GTF3C3: variants seen among roughly 807,000 people sequenced by gnomAD.
GTF3C3 encodes general transcription factor 3C polypeptide 3.
Under a neutral mutation model 105.2 loss-of-function variants are expected in GTF3C3, and 75 were observed. The ratio of observed to expected loss-of-function variants is 0.71; its 90% CI spans 0.59 to 0.86. The LOEUF (loss-of-function observed/expected upper bound fraction) is 0.86, where lower values mean the gene tolerates loss of function less well. Among genes scored for constraint, GTF3C3 ranks in the 40% least tolerant of loss-of-function variants. The probability of loss-of-function intolerance (pLI) is 0.00; values close to 1 mark genes in which losing one functional copy is unlikely to be tolerated. For missense variants in GTF3C3, 856 were observed against 1,076.5 expected, an observed-to-expected ratio of 0.80 and a Z score of 2.87; for synonymous variants, 335 against 370.4, an observed-to-expected ratio of 0.90 and a Z score of 1.10.
intron 16 of GTF3C3, among the ~76,000 whole-genome samples, chr2:196,768,870 C>T (rs748908645): frequency 1.3e-5 from 2 of 152,022 alleles, no homozygotes; most frequent in Non-Finnish European, 2.9e-5. Context: ...TAAAATTTTC[C>T]TATCAATTTT....
intron 8 of GTF3C3, 165 bp from the exon 9 acceptor site, chr2:196,780,827 G>T: frequency 1.3e-6 from 1 of 752,768 alleles, no homozygotes; most frequent in Non-Finnish European, 2.0e-6. Context: ...TCTGTCCTTT[G>T]GTAGCAAGTA....
intron 7 of GTF3C3, 49 bp downstream of exon 7, chr2:196,785,392 C>CACAGAAACACATGCAAAACTTA (rs1264613089): frequency 7.0e-7 from 1 of 1,437,576 alleles, no homozygotes; most frequent in Admixed American, 2.2e-5. Context: ...ATTTCCAGAA[C>CACAGAAACACATGCAAAACTTA]ACAGAAACAC....
rs573680597 is a variant in GTF3C3 at position 196,776,822 on chromosome 2, GTAA to G, written c.1391-196_1391-194del. Among the ~76,000 whole-genome samples the G allele has an allele frequency of 5.2e-4, 79 of 152,282 alleles. 2 individuals carry two copies. In the East Asian group the frequency reaches 0.013, roughly 25 times the overall value. ...TCTAATAAATTTAAATTGCTAAGGA[GTAA>G]TCAGTGTATACATATAATTTAGGGT... On this transcript the variant is annotated intron_variant, in intron 10 of 17. Coordinates refer to ENST00000263956, the MANE Select transcript of GTF3C3 (RefSeq NM_012086.5). This position sits in a 1 kb window ranked among gnomAD's most constrained non-coding sequence, Gnocchi z 4.5.
At chr2:196,768,941 G>A (rs145417739) in intron 16 of GTF3C3, among the ~76,000 whole-genome samples, 93 of 152,150 alleles carry the variant, frequency 6.1e-4, no homozygotes, top group East Asian at 5.2e-3. Flanking sequence ...CTACGTCCCC[G>A]ATTCCTGGCA....
At chr2:196,796,662 C>G (rs183919096) in intron 2 of GTF3C3, among the ~76,000 whole-genome samples, 2 of 152,180 alleles carry the variant, frequency 1.3e-5, no homozygotes, top group Non-Finnish European at 2.9e-5. Context: ...CTCTCCCTCC[C>G]GCAACACCCC....
At position 196,766,553 on chromosome 2, in the gene GTF3C3, A is replaced by C. The variant is rs1699072720; in HGVS notation, c.2538+12T>G. On this transcript the variant is annotated intron_variant, in intron 17 of 17. Coordinates refer to ENST00000263956, the MANE Select transcript of GTF3C3 (RefSeq NM_012086.5). ...TGAAATGAAGTGTCTCAGTTTTAAA[A>C]ATGCACAATACCTCTACCACAAGTG... 1 of 1,587,116 alleles carries C rather than the reference A, an allele frequency of 6.3e-7. No individual in the cohort carries two copies. The highest frequency in any genetic ancestry group is 1.4e-5 in the African/African-American group (1 of 74,030).
At chr2:196,766,895 A>G (rs1699078699) in intron 16 of GTF3C3, 178 bp from the exon 17 acceptor site, 2 of 401,996 alleles carry the variant, frequency 5.0e-6, no homozygotes, top group Admixed American at 4.2e-5. Context: ...AGCTCTTCTG[A>G]AGATGTAAGA....
At chr2:196,766,087 G>C (rs1699061915) in intron 17 of GTF3C3, among the ~76,000 whole-genome samples, 1 of 150,606 alleles carries the variant, frequency 6.6e-6, no homozygotes, top group African/African-American at 2.4e-5. Flanking sequence ...TTCTAATACA[G>C]TGCTATGTTA....
chr2:196,774,493 T>C (rs538308660), intron 13 of GTF3C3, among the ~76,000 whole-genome samples: 1 of 152,330 alleles, frequency 6.6e-6, no homozygotes, highest in African/African-American at 2.4e-5. Context: ...CAGTGTAATG[T>C]GATCCTCACC....
At chr2:196,780,048 C>CT (rs1322004479) in intron 9 of GTF3C3, 5 of 155,020 alleles carry the variant, frequency 3.2e-5, no homozygotes, top group East Asian at 1.9e-4. Flanking sequence ...TATTTTCCTC[C>CT]TTTTTTTTCC....
chr2:196,798,380 CAG>C (rs1294007952), intron 1 of GTF3C3, among the ~76,000 whole-genome samples: 1 of 151,746 alleles, frequency 6.6e-6, no homozygotes, highest in Non-Finnish European at 1.5e-5. Flanking sequence ...CAAAAATTAG[CAG>C]AGTGTGATGG....
intron 8 of GTF3C3, 153 bp downstream of exon 8, chr2:196,784,704 A>T: frequency 1.4e-6 from 1 of 691,622 alleles, no homozygotes. Flanking sequence ...ACAAGATATG[A>T]AATCTCTGAG....
At chr2:196,780,347 T>A in intron 9 of GTF3C3, 3 of 1,189,618 alleles carry the variant, frequency 2.5e-6, no homozygotes, top group Non-Finnish European at 3.2e-6. Context: ...TAGATTGTTA[T>A]TTTAAAAGAA....
chr2:196,780,409 A>G (rs1310665261), intron 9 of GTF3C3, 150 bp downstream of exon 9: 1 of 1,296,630 alleles, frequency 7.7e-7, no homozygotes, highest in Non-Finnish European at 9.9e-7. Context: ...TTTATAAGAT[A>G]TTCATACAAA....
At position 196,776,821 on chromosome 2, in the gene GTF3C3, A is replaced by T. The variant is rs1699267388; in HGVS notation, c.1391-192T>A. ...ATCTAATAAATTTAAATTGCTAAGG[A>T]GTAATCAGTGTATACATATAATTTA... On this transcript the variant is annotated intron_variant, in intron 10 of 17. Coordinates refer to ENST00000263956, the MANE Select transcript of GTF3C3 (RefSeq NM_012086.5). The surrounding 1 kb of genome is among the most constrained non-coding windows in gnomAD (Gnocchi z 4.5). 6.6e-6 allele frequency among the ~76,000 whole-genome samples: 1 copy of T among 152,234 alleles called. No homozygotes were observed. Among genetic ancestry groups the T allele is most frequent in the Non-Finnish European group, 1.5e-5 (1 of 68,040 alleles).
Position 196,776,764 on chromosome 2 carries a change from TA to T in GTF3C3, c.1391-136del, listed in dbSNP as rs1699264436. 1.6e-6 allele frequency: 1 copy of T among 624,842 alleles called. No homozygotes were observed. Among genetic ancestry groups the T allele is most frequent in the Admixed American group, 2.9e-5 (1 of 34,046 alleles). The allele number at this position is 624,842 out of a possible 1,614,324, so 38.7% of individuals were successfully genotyped here. On this transcript the variant is annotated intron_variant, in intron 10 of 17. Coordinates refer to ENST00000263956, the MANE Select transcript of GTF3C3 (RefSeq NM_012086.5). This position sits in a 1 kb window ranked among gnomAD's most constrained non-coding sequence, Gnocchi z 4.5. ...AAATGAATGCGTATTTCTAGTACTT[TA>T]AAACTATCCCTAATCTCTATTAATC... is the stretch of plus-strand genomic sequence containing the variant.
intron 3 of GTF3C3, among the ~76,000 whole-genome samples, chr2:196,792,202 G>A (rs1475229700): frequency 6.6e-6 from 1 of 152,112 alleles, no homozygotes; most frequent in Non-Finnish European, 1.5e-5. Flanking sequence ...CTGTTGCCCA[G>A]GCTGCAGTGC....
intron 15 of GTF3C3, among the ~76,000 whole-genome samples, chr2:196,770,951 C>A (rs537770823): frequency 5.3e-5 from 8 of 152,170 alleles, no homozygotes; most frequent in African/African-American, 1.9e-4. Flanking sequence ...AAAATACGGG[C>A]CATATACAAG....
chr2:196,789,373 AAAAG>A lies in GTF3C3; in HGVS notation c.728-8_728-5del, dbSNP rs1699508827. On this transcript the variant is annotated splice_polypyrimidine_tract_variant and splice_region_variant and intron_variant, in intron 5 of 17. Coordinates refer to ENST00000263956, the MANE Select transcript of GTF3C3 (RefSeq NM_012086.5). ...TTAGTAGGTTCATATTTAAGAGCTAAAAAGAAAGAAATACAAATTATTTACCACA... is the reference window on the plus strand; with the variant it reads ...TTAGTAGGTTCATATTTAAGAGCTAAAAAGAAATACAAATTATTTACCACA... 8 of 1,573,872 alleles carry A rather than the reference AAAAG, an allele frequency of 5.1e-6. No homozygotes were observed. Among genetic ancestry groups the A allele is most frequent in the Non-Finnish European group, 6.9e-6 (8 of 1,159,004 alleles).
Sources: gnomAD v4.1 joint callset for allele counts (sites outside exome capture counted in the v4.1 genomes callset) on GRCh38, gnomAD v4.1.1 for gene constraint, Gnocchi (gnomAD v3.1) non-coding constraint, MANE v1.5 for transcripts, NCBI Gene and HGNC (gene_info 2026-07-23, HGNC 2026-07-21) for gene names.